Variants in EBF3 observed in about 807,000 individuals in gnomAD.
EBF3 encodes transcription factor COE3.
A neutral mutation model predicts 77.1 loss-of-function variants in EBF3; 18 were observed. The observed-to-expected ratio is 0.23, with a 90% confidence interval of 0.16 to 0.35. EBF3 has a LOEUF of 0.35. Among genes scored for constraint, EBF3 ranks in the 10% least tolerant of loss-of-function variants. The pLI is 1.00. For synonymous variants in EBF3, 350 were observed against 343.5 expected (o/e 1.02, Z -0.21); for missense variants, 558 against 860.0 (o/e 0.65, Z 4.39).
intron 6 of EBF3, among the ~76,000 whole-genome samples, chr10:129,903,635 C>T (rs78584416): frequency 0.022 from 3,393 of 152,222 alleles, 109 homozygotes; most frequent in African/African-American, 0.078. Flanking sequence ...TGGTCCTTCT[C>T]GTGGATAAAG....
rs568127630 is a variant in EBF3, at chr10:129,933,124, T to C, written c.554+24134A>G. On this transcript the variant is annotated intron_variant, in intron 6 of 16. Coordinates refer to ENST00000440978, the MANE Select transcript of EBF3 (RefSeq NM_001375380.1). Reference sequence around the variant, plus strand: ...TTGGAATCAGCCTGATTGATGGACGTGGAGGAGGGTCAGTCCTGATTCCGC... The same window carrying C: ...TTGGAATCAGCCTGATTGATGGACGCGGAGGAGGGTCAGTCCTGATTCCGC... Among the ~76,000 whole-genome samples, 15 of 152,302 alleles carry C rather than the reference T, an allele frequency of 9.8e-5. No homozygotes were observed. In the South Asian group the frequency reaches 1.7e-3, roughly 17 times the overall value.
At chr10:129,859,578 G>C (rs1304536362) in intron 10 of EBF3, among the ~76,000 whole-genome samples, 2 of 152,220 alleles carry the variant, frequency 1.3e-5, no homozygotes, top group Non-Finnish European at 2.9e-5. Context: ...TGAAATGATA[G>C]TTTTGTAAAA....
At chr10:129,854,582 G>T (rs1851115913) in intron 10 of EBF3, among the ~76,000 whole-genome samples, 1 of 152,036 alleles carries the variant, frequency 6.6e-6, no homozygotes, top group South Asian at 2.1e-4. Flanking sequence ...GCACATTAAC[G>T]CGGCCATGGA....
intron 6 of EBF3, among the ~76,000 whole-genome samples, chr10:129,954,625 T>C (rs1040560695): frequency 6.6e-6 from 1 of 152,092 alleles, no homozygotes; most frequent in African/African-American, 2.4e-5. Flanking sequence ...TCGGTGTGGG[T>C]TGGAACAAAT....
chr10:129,949,765 A>G (rs956616605), intron 6 of EBF3, among the ~76,000 whole-genome samples: 1 of 151,990 alleles, frequency 6.6e-6, no homozygotes, highest in African/African-American at 2.4e-5. Context: ...AAACTTAGAG[A>G]AAGCGGGAGG....
chr10:129,919,287 C>T (rs1284408702), intron 6 of EBF3, among the ~76,000 whole-genome samples: 1 of 152,068 alleles, frequency 6.6e-6, no homozygotes, highest in Non-Finnish European at 1.5e-5. Context: ...TTCTGACAAG[C>T]AGATACGGAG....
intron 6 of EBF3, among the ~76,000 whole-genome samples, chr10:129,888,569 C>T (rs1002705381): frequency 1.3e-5 from 2 of 152,220 alleles, no homozygotes; most frequent in Admixed American, 1.3e-4. Context: ...GCCACGACAT[C>T]GGCGCAGCAC....
rs1859670240 is a variant in EBF3, at chr10:129,963,278, C to T, written c.291+89G>A. On this transcript the variant is annotated intron_variant, in intron 2 of 16. Coordinates refer to ENST00000440978, the MANE Select transcript of EBF3 (RefSeq NM_001375380.1). The surrounding 1 kb of genome is among the most constrained non-coding windows in gnomAD (Gnocchi z 7.1). ...GGCCTGGCGGAGCCGAGCCCGCCGC[C>T]TAGGGGGGCACTCGAACCCCCGCGC... 3 of 1,531,226 alleles carry T rather than the reference C, an allele frequency of 2.0e-6. No homozygotes were observed. In the Admixed American group the frequency reaches 6.0e-5, roughly 31 times the overall value. 94.9% of individuals were successfully genotyped at this position (1,531,226 alleles called of 1,614,324 possible). A position where few individuals can be genotyped will look rare whatever the true frequency, so the allele number is the denominator to read the frequency against.
chr10:129,934,521 A>G (rs1384963654), intron 6 of EBF3, among the ~76,000 whole-genome samples: 1 of 152,052 alleles, frequency 6.6e-6, no homozygotes, highest in Non-Finnish European at 1.5e-5. Flanking sequence ...CTGCTTCCTC[A>G]TCTCAGGGCC....
rs1853493707 is a variant in EBF3 at position 129,885,298 on chromosome 10, A to T, written c.555-7449T>A. ...AAGTCCTCCGTTTGGAGAAATTTGT[A>T]TGACTCGCATTAAACTTTTCCGGGT... On this transcript the variant is annotated intron_variant, in intron 6 of 16. Transcript: ENST00000440978. This position sits in a 1 kb window ranked among gnomAD's most constrained non-coding sequence, Gnocchi z 4.0. Among the ~76,000 whole-genome samples the T allele has an allele frequency of 6.6e-6, 1 of 152,184 alleles. No homozygotes were observed. Among genetic ancestry groups the T allele is most frequent in the African/African-American group, 2.4e-5 (1 of 41,442 alleles).
In EBF3 at chr10:129,876,325, T is replaced by A. The variant is rs185951273; in HGVS notation, c.636+1443A>T. ...AGTCAACCACGAGATCACCTGTAAC[T>A]GACGCTGTGTTCAGTCATTGGTGAG... On this transcript the variant is annotated intron_variant, in intron 7 of 16. Coordinates refer to ENST00000440978, the MANE Select transcript of EBF3 (RefSeq NM_001375380.1). Among the ~76,000 whole-genome samples the A allele has an allele frequency of 3.3e-5, 5 of 152,364 alleles. No homozygotes were observed. The East Asian group carries it at 9.6e-4, about 29-fold the overall frequency.
At position 129,840,932 on chromosome 10, in the gene EBF3, A is replaced by G; in HGVS notation, c.1473T>C (p.Asn491=). Reference sequence around the variant, plus strand: ...TGGCCATGGCGCCACTTCCATATCCATTCATGCTAGTGCTGACTGTGTTGT... The same window carrying G: ...TGGCCATGGCGCCACTTCCATATCCGTTCATGCTAGTGCTGACTGTGTTGT... ...SNYNTVSTSM[N]GYGSGAMASL... is the part of the protein sequence containing the mutation. Residue 491 remains asparagine (N), a synonymous_variant, in exon 14 of 17, where the codon AAT becomes AAC. Coordinates refer to ENST00000440978, the MANE Select transcript of EBF3 (RefSeq NM_001375380.1). The G allele has an allele frequency of 6.2e-7, 1 of 1,613,714 alleles. No homozygotes were observed. Among genetic ancestry groups the G allele is most frequent in the Non-Finnish European group, 8.5e-7 (1 of 1,179,954 alleles).
At chr10:129,866,808 G>A (rs1852047432) in intron 10 of EBF3, among the ~76,000 whole-genome samples, 1 of 152,218 alleles carries the variant, frequency 6.6e-6, no homozygotes, top group African/African-American at 2.4e-5. Flanking sequence ...ATGGAGCCAG[G>A]CATGTGGGCA....
rs145445186 is a variant in EBF3, at chr10:129,839,491, C to T, written c.1760-296G>A. Among the ~76,000 whole-genome samples the T allele has an allele frequency of 2.7e-3, 411 of 152,022 alleles. 2 individuals are homozygous for T. Among genetic ancestry groups the T allele is most frequent in the African/African-American group, 8.7e-3 (359 of 41,496 alleles). ...CTGGGCAGGCACAGGGTGCCCACCC[C>T]GTGTGGCCTCATCTGTGGACAGCTG... On this transcript the variant is annotated intron_variant, in intron 15 of 16. Coordinates refer to ENST00000440978, the MANE Select transcript of EBF3 (RefSeq NM_001375380.1).
intron 5 of EBF3, among the ~76,000 whole-genome samples, chr10:129,958,657 C>G (rs1859222824): frequency 6.6e-6 from 1 of 152,232 alleles, no homozygotes; most frequent in Non-Finnish European, 1.5e-5. Flanking sequence ...CGGACGGATG[C>G]ATCACCCAGA....
intron 6 of EBF3, among the ~76,000 whole-genome samples, chr10:129,954,695 T>C (rs1387697621): frequency 6.6e-6 from 1 of 152,172 alleles, no homozygotes; most frequent in African/African-American, 2.4e-5. Context: ...AGGACAAATA[T>C]GCCTTATCTG....
rs980747144 is a variant in EBF3, at chr10:129,837,819, G to A, written c.*124C>T. ...AGTCTTTTGTAGCATTTCAATTGCT[G>A]CTGATTTTTTTGAAGATACTGTTTC... On this transcript the variant is annotated 3_prime_UTR_variant, in exon 17 of 17. Coordinates refer to ENST00000440978, the MANE Select transcript of EBF3 (RefSeq NM_001375380.1). 4 of 1,309,654 alleles carry A rather than the reference G, an allele frequency of 3.1e-6. No individual in the cohort carries two copies. The highest frequency in any genetic ancestry group is 1.5e-5 in the African/African-American group (1 of 68,258). The allele number at this position is 1,309,654 out of a possible 1,614,324, so 81.1% of individuals were successfully genotyped here.
chr10:129,881,511 T>A (rs1419669297), intron 6 of EBF3, among the ~76,000 whole-genome samples: 2 of 152,032 alleles, frequency 1.3e-5, no homozygotes, highest in Non-Finnish European at 2.9e-5. Context: ...CCCATTCCAC[T>A]CGGAAACAGC....
rs1391333762 is a variant in EBF3, at chr10:129,944,786, T to C, written c.554+12472A>G. Among the ~76,000 whole-genome samples the C allele has an allele frequency of 1.3e-5, 2 of 152,042 alleles. No homozygotes were observed. The highest frequency in any genetic ancestry group is 4.8e-5 in the African/African-American group (2 of 41,410). On this transcript the variant is annotated intron_variant, in intron 6 of 16. Coordinates refer to ENST00000440978, the MANE Select transcript of EBF3 (RefSeq NM_001375380.1). This position sits in a 1 kb window ranked among gnomAD's most constrained non-coding sequence, Gnocchi z 5.1. ...AATTCACATTTTACCTGGTGAAATA[T>C]CATAAGAATTTCATTATCTTTGCAG...
Sources: gnomAD v4.1 joint callset for allele counts (sites outside exome capture counted in the v4.1 genomes callset) on GRCh38, gnomAD v4.1.1 for gene constraint, Gnocchi (gnomAD v3.1) non-coding constraint, MANE v1.5 for transcripts, NCBI Gene and HGNC (gene_info 2026-07-23, HGNC 2026-07-21) for gene names.